PRICKLE1: variants seen among roughly 807,000 people sequenced by gnomAD.
PRICKLE1 encodes prickle planar cell polarity protein 1.
PRICKLE1 carries 14 observed loss-of-function variants against 70.2 expected under a neutral mutation model. That is an observed-to-expected ratio of 0.20 (90% CI 0.13 to 0.31). PRICKLE1 has a LOEUF of 0.31. Among genes scored for constraint, PRICKLE1 ranks in the 10% least tolerant of loss-of-function variants. PRICKLE1 has a pLI of 1.00. For missense variants in PRICKLE1, 821 were observed against 1,026.2 expected (o/e 0.80, Z 2.73); for synonymous variants, 357 against 379.9 (o/e 0.94, Z 0.70).
chr12:42,527,973 C>G (rs11181542), intron 1 of PRICKLE1, among the ~76,000 whole-genome samples: 4 of 10,454 alleles, frequency 3.8e-4, no homozygotes, highest in Non-Finnish European at 6.9e-4. Context: ...ATATATATAT[C>G]TCCAAAGTTT....
chr12:42,481,085 A>G (rs896922804), intron 1 of PRICKLE1, among the ~76,000 whole-genome samples: 1 of 152,212 alleles, frequency 6.6e-6, no homozygotes, highest in Non-Finnish European at 1.5e-5. Context: ...AGTTTTGAGT[A>G]TTAGGTGATT....
At chr12:42,549,789 A>G (rs1217899787) in intron 1 of PRICKLE1, among the ~76,000 whole-genome samples, 1 of 152,210 alleles carries the variant, frequency 6.6e-6, no homozygotes, top group Non-Finnish European at 1.5e-5. Flanking sequence ...GGGCATCATT[A>G]TCTGGCCCCA....
At chr12:42,550,055 C>T (rs1484491862) in intron 1 of PRICKLE1, among the ~76,000 whole-genome samples, 2 of 152,218 alleles carry the variant, frequency 1.3e-5, no homozygotes, top group African/African-American at 4.8e-5. Flanking sequence ...GTCCATGTAC[C>T]TCACAGTATT....
In PRICKLE1 at chr12:42,460,543, G is replaced by C. The variant is rs1345086413; in HGVS notation, c.1762C>G (p.Leu588Val). The C allele has an allele frequency of 2.4e-5, 38 of 1,614,012 alleles. No homozygotes were observed. Among genetic ancestry groups the C allele is most frequent in the Non-Finnish European group, 3.2e-5 (38 of 1,180,028 alleles). Reference protein sequence around the residue: ...SNMGTLNSSMLHRSAESLKSL... With the variant: ...SNMGTLNSSMVHRSAESLKSL... The stretch of plus-strand genomic sequence containing the variant: ...TTTAAGGACTCTGCACTCCTGTGCA[G>C]CATGGAAGAGTTCAAAGTTCCCATA... The change falls in exon 8 of 8, where the codon CTG (leucine) becomes GTG (valine). Residue 588 changes from leucine (L) to valine (V), a missense_variant. Physicochemically the swap from Leu to Val is conservative, Grantham distance 32. Transcript: ENST00000345127.
chr12:42,552,179 A>C (rs1377375955), intron 1 of PRICKLE1, among the ~76,000 whole-genome samples: 1 of 147,942 alleles, frequency 6.8e-6, no homozygotes, highest in Non-Finnish European at 1.5e-5. Context: ...TGAACCTCCC[A>C]CCTCAGCCTC....
At chr12:42,556,437 T>A (rs1940414016) in intron 1 of PRICKLE1, among the ~76,000 whole-genome samples, 1 of 152,158 alleles carries the variant, frequency 6.6e-6, no homozygotes, top group African/African-American at 2.4e-5. Flanking sequence ...AATCATAGAA[T>A]CCCACCCTGT....
chr12:42,541,091 A>G (rs1940104688), intron 1 of PRICKLE1, among the ~76,000 whole-genome samples: 1 of 152,216 alleles, frequency 6.6e-6, no homozygotes, highest in Non-Finnish European at 1.5e-5. Context: ...TACAATTTCA[A>G]GAAATATATT....
intron 7 of PRICKLE1, among the ~76,000 whole-genome samples, chr12:42,461,038 C>T (rs1171280909): frequency 6.6e-6 from 1 of 152,138 alleles, no homozygotes; most frequent in African/African-American, 2.4e-5. Context: ...TGTGCCACCA[C>T]ACCTGGCTAC....
intron 1 of PRICKLE1, among the ~76,000 whole-genome samples, chr12:42,578,743 T>TTTCA (rs575297488): frequency 2.1e-5 from 3 of 146,184 alleles, no homozygotes; most frequent in East Asian, 4.0e-4. Flanking sequence ...GTTTATTTCA[T>TTTCA]TTTATTTATT....
At chr12:42,583,148 CGTGTGTGTGT>C (rs68143024) in intron 1 of PRICKLE1, among the ~76,000 whole-genome samples, 1 of 148,234 alleles carries the variant, frequency 6.7e-6, no homozygotes, top group African/African-American at 2.5e-5. Context: ...TAGATTGAAA[CGTGTGTGTGT>C]GTGTGTGTGT....
At chr12:42,552,778 G>C (rs1404978190) in intron 1 of PRICKLE1, among the ~76,000 whole-genome samples, 2 of 152,184 alleles carry the variant, frequency 1.3e-5, no homozygotes, top group African/African-American at 4.8e-5. Flanking sequence ...ATAGGGAAGT[G>C]GTCTCTTAGA....
intron 1 of PRICKLE1, among the ~76,000 whole-genome samples, chr12:42,475,517 G>C (rs964738555): frequency 6.6e-6 from 1 of 152,078 alleles, no homozygotes; most frequent in Non-Finnish European, 1.5e-5. Context: ...TCCAGGGGGG[G>C]AGTGCTGATG....
chr12:42,465,543 G>A, intron 6 of PRICKLE1: 1 of 413,556 alleles, frequency 2.4e-6, no homozygotes, highest in Non-Finnish European at 4.3e-6. Flanking sequence ...ACTGATCCAG[G>A]AGATGCTCAG....
chr12:42,532,090 G>A (rs928747921), intron 1 of PRICKLE1, among the ~76,000 whole-genome samples: 2 of 152,226 alleles, frequency 1.3e-5, no homozygotes, highest in Admixed American at 6.5e-5. Context: ...GCTTGAGCCT[G>A]GGAGGTTGAG....
At chr12:42,580,953 A>G (rs1361940109) in intron 1 of PRICKLE1, among the ~76,000 whole-genome samples, 6 of 152,188 alleles carry the variant, frequency 3.9e-5, no homozygotes, top group Admixed American at 1.3e-4. Flanking sequence ...AGAGAGAGTA[A>G]GGAAGGGAGG....
At chr12:42,532,410 T>G (rs1413105752) in intron 1 of PRICKLE1, among the ~76,000 whole-genome samples, 1 of 152,200 alleles carries the variant, frequency 6.6e-6, no homozygotes, top group Non-Finnish European at 1.5e-5. Flanking sequence ...TATAGACCAG[T>G]GTTGTCTAAC....
In PRICKLE1 at chr12:42,507,032, A is replaced by T. The variant is rs918882964; in HGVS notation, c.-48-34468T>A. 2.0e-5 allele frequency among the ~76,000 whole-genome samples: 3 copies of T among 152,364 alleles called. No homozygotes were observed. The East Asian group carries it at 5.8e-4, about 29-fold the overall frequency. ...AATATCTAAACCCATTATTTGGGGG[A>T]CATGCAAGGCTTAATTTTAATTATG... is the stretch of plus-strand genomic sequence containing the variant. On this transcript the variant is annotated intron_variant, in intron 1 of 7. Coordinates refer to ENST00000345127, the MANE Select transcript of PRICKLE1 (RefSeq NM_153026.3).
At chr12:42,579,935 A>T (rs981603229) in intron 1 of PRICKLE1, among the ~76,000 whole-genome samples, 1 of 151,808 alleles carries the variant, frequency 6.6e-6, no homozygotes, top group African/African-American at 2.4e-5. Flanking sequence ...GCAATGGCGC[A>T]ATCTTGGCTC....
chr12:42,483,980 G>A (rs1186650154), intron 1 of PRICKLE1: 1 of 133,624 alleles, frequency 7.5e-6, no homozygotes, highest in Non-Finnish European at 1.5e-5. Context: ...GCCTGGGGCC[G>A]GCGATCTTCA....
Sources: allele counts gnomAD v4.1 joint callset (sites outside exome capture counted in the v4.1 genomes callset), GRCh38; gene constraint gnomAD v4.1.1; transcripts MANE v1.5; gene names NCBI Gene and HGNC (gene_info 2026-07-23, HGNC 2026-07-21).